The following ROBO2 variants were observed in gnomAD, a reference collection of about 807,000 sequenced individuals.
ROBO2 encodes roundabout guidance receptor 2.
Under a neutral mutation model 160.8 loss-of-function variants are expected in ROBO2, and 53 were observed. The observed-to-expected ratio is 0.33, with a 90% CI of 0.26 to 0.41. ROBO2 has a LOEUF of 0.41. ROBO2 is among the 10% of genes least tolerant of loss of function. The pLI is 1.00. For synonymous variants in ROBO2, 664 were observed against 611.7 expected (o/e 1.09, Z -1.26); for missense variants, 1,577 against 1,722.4 (o/e 0.92, Z 1.49).
chr3:76,072,225 T>C (rs1332524534), intron 2 of ROBO2, among the ~76,000 whole-genome samples: 1 of 109,516 alleles, frequency 9.1e-6, no homozygotes, highest in Non-Finnish European at 1.9e-5. Context: ...GATAGTAGAC[T>C]TTCTTTCCCC....
chr3:77,427,283 A>G (rs2078304421), intron 2 of ROBO2, among the ~76,000 whole-genome samples: 1 of 152,230 alleles, frequency 6.6e-6, no homozygotes, highest in Admixed American at 6.5e-5. Context: ...GGCTGAATTA[A>G]TAATTGCTAA....
Position 77,290,035 on chromosome 3 carries a change from A to T in ROBO2, c.389-187379A>T, listed in dbSNP as rs1167033452. On this transcript the variant is annotated intron_variant, in intron 2 of 25. Coordinates refer to ENST00000461745, the Ensembl canonical transcript of ROBO2. The stretch of plus-strand genomic sequence containing the variant: ...CTAAAGACATAAAGTAAAATTGACG[A>T]TTAAATGGGTAAGCTGAGGCTAGAT... Among the ~76,000 whole-genome samples, 84 of 136,594 alleles carry T rather than the reference A, an allele frequency of 6.1e-4. 1 individual carries two copies. Among genetic ancestry groups the T allele is most frequent in the African/African-American group, 2.2e-3 (83 of 37,164 alleles). 89.6% of individuals were successfully genotyped at this position (136,594 alleles called of 152,430 possible). A position where few individuals can be genotyped will look rare whatever the true frequency, so the allele number is the denominator to read the frequency against.
intron 2 of ROBO2, among the ~76,000 whole-genome samples, chr3:77,325,154 T>G (rs955173102): frequency 6.6e-6 from 1 of 152,052 alleles, no homozygotes; most frequent in Non-Finnish European, 1.5e-5. Context: ...CATAATGAAG[T>G]GTGACTCTAT....
At chr3:77,580,702 G>GT (rs1481961670) in intron 16 of ROBO2, among the ~76,000 whole-genome samples, 2 of 152,040 alleles carry the variant, frequency 1.3e-5, no homozygotes, top group Non-Finnish European at 2.9e-5. Context: ...TAAGGATAAT[G>GT]TTTTTGAAAT....
chr3:76,199,206 G>T (rs1284985014), intron 2 of ROBO2, among the ~76,000 whole-genome samples: 1 of 152,094 alleles, frequency 6.6e-6, no homozygotes, highest in Non-Finnish European at 1.5e-5. Context: ...ATGTGTATGA[G>T]ATTCCTATTT....
intron 2 of ROBO2, among the ~76,000 whole-genome samples, chr3:76,907,836 G>T (rs1206361454): frequency 1.3e-5 from 2 of 151,534 alleles, no homozygotes; most frequent in Admixed American, 1.3e-4. Flanking sequence ...GTGTGTGTGT[G>T]TGTGTGTGTG....
intron 2 of ROBO2, among the ~76,000 whole-genome samples, chr3:76,079,635 C>T (rs112276414): frequency 0.025 from 3,809 of 151,842 alleles, 142 homozygotes; most frequent in African/African-American, 0.08. Context: ...AGGCGCATGC[C>T]GCCACACCCG....
chr3:75,922,868 A>G (rs1256646284), intron 1 of ROBO2, among the ~76,000 whole-genome samples: 1 of 152,176 alleles, frequency 6.6e-6, no homozygotes, highest in Non-Finnish European at 1.5e-5. Context: ...TTCTGTTTCT[A>G]ATATAGTAGA....
At chr3:76,499,122 C>G (rs971646193) in intron 2 of ROBO2, among the ~76,000 whole-genome samples, 4 of 152,154 alleles carry the variant, frequency 2.6e-5, no homozygotes, top group African/African-American at 7.2e-5. Context: ...AAAACTAAAT[C>G]CATTCTTAGT....
intron 2 of ROBO2, among the ~76,000 whole-genome samples, chr3:76,768,026 C>T (rs547407165): frequency 2.4e-4 from 36 of 151,470 alleles, no homozygotes; most frequent in African/African-American, 8.7e-4. Context: ...TTGTTTTTAG[C>T]CAATTGGCAC....
chr3:77,553,419 CTCCATGTGTTCAAG>C (rs2092994685), intron 8 of ROBO2, among the ~76,000 whole-genome samples: 2 of 151,850 alleles, frequency 1.3e-5, no homozygotes, highest in South Asian at 4.1e-4. Context: ...CTACAGTGGC[CTCCATGTGTTCAAG>C]TGAAAAGTCA....
rs534043853 is a variant in ROBO2, at chr3:76,149,628, C to T, written c.109+212026C>T. Among the ~76,000 whole-genome samples the T allele has an allele frequency of 3.2e-5, 4 of 126,144 alleles. 1 individual carries two copies. The East Asian group carries it at 8.8e-4, about 28-fold the overall frequency. The allele number at this position is 126,144 out of a possible 152,430, so 82.8% of individuals were successfully genotyped here. A position where few individuals can be genotyped will look rare whatever the true frequency, so the allele number is the denominator to read the frequency against. ...TCATCTGTCTAAAACACACATCTGT[C>T]TAAAGCACACATCTGTCTAAAGCAC... On this transcript the variant is annotated intron_variant, in intron 2 of 26. Transcript: ENST00000487694.
chr3:76,841,035 C>T (rs1403514038), intron 2 of ROBO2, among the ~76,000 whole-genome samples: 1 of 152,032 alleles, frequency 6.6e-6, no homozygotes, highest in Non-Finnish European at 1.5e-5. Flanking sequence ...TAGATTTCCA[C>T]AGTAGAAAGG....
intron 1 of ROBO2, among the ~76,000 whole-genome samples, chr3:75,909,825 A>G (rs767023145): frequency 5.3e-5 from 8 of 152,232 alleles, no homozygotes; most frequent in Non-Finnish European, 8.8e-5. Flanking sequence ...GAGGGAGATA[A>G]GAGAGATGAC....
At chr3:77,230,677 T>G (rs2151281709) in intron 2 of ROBO2, among the ~76,000 whole-genome samples, 1 of 152,334 alleles carries the variant, frequency 6.6e-6, no homozygotes, top group Middle Eastern at 3.4e-3. Flanking sequence ...CAAATTTCTT[T>G]AATGAAAATA....
intron 2 of ROBO2, among the ~76,000 whole-genome samples, chr3:76,009,073 T>C (rs1203258096): frequency 1.3e-5 from 2 of 152,088 alleles, no homozygotes; most frequent in African/African-American, 4.8e-5. Context: ...GAGGCTCTTA[T>C]AACATACTTC....
At position 75,998,215 on chromosome 3, in the gene ROBO2, C is replaced by T. The variant is rs182303069; in HGVS notation, c.109+60613C>T. 5.0e-4 allele frequency among the ~76,000 whole-genome samples: 76 copies of T among 152,268 alleles called. 1 individual carries two copies. The highest frequency in any genetic ancestry group is 1.5e-3 in the African/African-American group (63 of 41,554). ...TCCTGGAAAATGTTAGCTCTAATCT[C>T]CCCTATTTCATGCTATTTATGTTTT... On this transcript the variant is annotated intron_variant, in intron 2 of 26. Transcript: ENST00000487694.
At position 76,803,346 on chromosome 3, in the gene ROBO2, G is replaced by A. The variant is rs181943196; in HGVS notation, c.110-294668G>A. 3.9e-5 allele frequency among the ~76,000 whole-genome samples: 6 copies of A among 152,008 alleles called. No homozygotes were observed. The East Asian group carries it at 1.2e-3, about 30-fold the overall frequency. On this transcript the variant is annotated intron_variant, in intron 2 of 26. Transcript: ENST00000487694. Reference sequence around the variant, plus strand: ...TTCTGCCTAACCTGAAAAGGAGGAGGAGGAGAAGCGGGAGGAGGAAGAGGA... The same window carrying A: ...TTCTGCCTAACCTGAAAAGGAGGAGAAGGAGAAGCGGGAGGAGGAAGAGGA...
At chr3:76,765,929 G>A (rs1223756845) in intron 2 of ROBO2, among the ~76,000 whole-genome samples, 3 of 151,618 alleles carry the variant, frequency 2.0e-5, no homozygotes, top group Non-Finnish European at 4.4e-5. Context: ...TCAACCTAGC[G>A]TCAGGATTAG....
Sources: allele counts gnomAD v4.1 joint callset (sites outside exome capture counted in the v4.1 genomes callset), GRCh38; gene constraint gnomAD v4.1.1; transcripts MANE v1.5; gene names NCBI Gene and HGNC (gene_info 2026-07-23, HGNC 2026-07-21).